The following DENND1A variants were observed in gnomAD, a reference collection of about 807,000 sequenced individuals.
DENND1A encodes the protein DENN domain-containing protein 1A.
In DENND1A, 51 loss-of-function variants were observed where a neutral mutation model predicts 113.7. The ratio of observed to expected loss-of-function variants is 0.45; its 90% CI spans 0.36 to 0.57. The LOEUF (loss-of-function observed/expected upper bound fraction) is 0.57, where lower values mean the gene tolerates loss of function less well. DENND1A is among the 20% of genes least tolerant of loss of function. DENND1A has a pLI of 0.00. For synonymous variants in DENND1A, 565 were observed against 570.8 expected (o/e 0.99, Z 0.14); for missense variants, 1,258 against 1,395.9 (o/e 0.90, Z 1.57).
At chr9:123,857,918 G>A (rs1844463968) in intron 2 of DENND1A, among the ~76,000 whole-genome samples, 1 of 152,026 alleles carries the variant, frequency 6.6e-6, no homozygotes, top group Non-Finnish European at 1.5e-5. Context: ...AATTAGCTGG[G>A]CGTGGTGGCG....
chr9:123,610,047 T>A (rs901542258), intron 10 of DENND1A, among the ~76,000 whole-genome samples: 1 of 152,204 alleles, frequency 6.6e-6, no homozygotes, highest in Admixed American at 6.5e-5. Flanking sequence ...TCCTCCCCAG[T>A]TGCACACATG....
intron 1 of DENND1A, among the ~76,000 whole-genome samples, chr9:123,892,930 C>T (rs916316371): frequency 2.0e-5 from 3 of 151,826 alleles, no homozygotes; most frequent in African/African-American, 2.4e-5. Context: ...TGCGGGGAGC[C>T]GAGATCGCGC....
chr9:123,494,148 G>A (rs1413392004), intron 13 of DENND1A, among the ~76,000 whole-genome samples: 1 of 152,190 alleles, frequency 6.6e-6, no homozygotes, highest in African/African-American at 2.4e-5. Context: ...GCGTTTTCAT[G>A]TCACCTTGTA....
chr9:123,518,488 C>G (rs531927272), intron 13 of DENND1A, among the ~76,000 whole-genome samples: 28 of 152,270 alleles, frequency 1.8e-4, no homozygotes, highest in Admixed American at 1.2e-3. Context: ...CCCACCTACC[C>G]CAGAATCCAG....
intron 12 of DENND1A, among the ~76,000 whole-genome samples, chr9:123,575,130 A>G (rs965081163): frequency 2.6e-5 from 4 of 152,180 alleles, no homozygotes; most frequent in Non-Finnish European, 5.9e-5. Context: ...ATGGAAGACA[A>G]TCTTTTCATG....
At chr9:123,645,525 G>A (rs985326286) in intron 9 of DENND1A, among the ~76,000 whole-genome samples, 1 of 152,140 alleles carries the variant, frequency 6.6e-6, no homozygotes, top group Non-Finnish European at 1.5e-5. Flanking sequence ...GTCCAAAGGT[G>A]TGAATACAAC....
At chr9:123,813,789 A>C (rs960096677) in intron 2 of DENND1A, among the ~76,000 whole-genome samples, 1 of 151,850 alleles carries the variant, frequency 6.6e-6, no homozygotes, top group African/African-American at 2.4e-5. Context: ...GTTTTAAGAG[A>C]GTTTCGTGCA....
intron 1 of DENND1A, among the ~76,000 whole-genome samples, chr9:123,926,527 A>G (rs1857121400): frequency 6.9e-6 from 1 of 145,656 alleles, no homozygotes; most frequent in Non-Finnish European, 1.5e-5. Context: ...AGATCATGCC[A>G]TTGCACTCCA....
At chr9:123,485,644 ACGCGCGCG>A (rs748584342) in intron 13 of DENND1A, 32 of 64,468 alleles carry the variant, frequency 5.0e-4, no homozygotes, top group African/African-American at 1.3e-3. Context: ...GCGTACACAC[ACGCGCGCG>A]CGCGCACACA....
At chr9:123,840,181 T>C (rs1337332394) in intron 2 of DENND1A, among the ~76,000 whole-genome samples, 4 of 151,764 alleles carry the variant, frequency 2.6e-5, no homozygotes, top group Admixed American at 6.6e-5. Context: ...CCTTTAAGCA[T>C]CCCTTTAAGG....
At chr9:123,437,099 G>A (rs533804176) in intron 19 of DENND1A, among the ~76,000 whole-genome samples, 1 of 152,156 alleles carries the variant, frequency 6.6e-6, no homozygotes, top group African/African-American at 2.4e-5. Flanking sequence ...GGAGTGCTTG[G>A]AGCCTACTTC....
rs11447219 is a variant in DENND1A at position 123,519,443 on chromosome 9, AT to A, written c.993+38126del. ...GGGCTGGGTCCTCATATCTTTTTAA[AT>A]TTTTTTTTTTTGAGGCAGAGTCTCA... On this transcript the variant is annotated intron_variant, in intron 13 of 23. Transcript: ENST00000394215. 2.6e-3 allele frequency among the ~76,000 whole-genome samples: 389 copies of A among 148,316 alleles called. 4 individuals carry two copies. The highest frequency in any genetic ancestry group is 8.9e-3 in the African/African-American group (358 of 40,320).
chr9:123,450,845 C>T (rs1431877390), intron 17 of DENND1A, 96 bp from the exon 18 acceptor site: 1 of 974,630 alleles, frequency 1.0e-6, no homozygotes, highest in Non-Finnish European at 1.5e-6. Flanking sequence ...TCTCTGATTA[C>T]TAGAAAAAGG....
intron 3 of DENND1A, among the ~76,000 whole-genome samples, chr9:123,785,663 A>C (rs554315461): frequency 1.3e-5 from 2 of 152,294 alleles, no homozygotes; most frequent in South Asian, 4.1e-4. Flanking sequence ...GTCCTTCAGA[A>C]CAGCTACATT....
intron 9 of DENND1A, among the ~76,000 whole-genome samples, chr9:123,640,625 G>A (rs544480224): frequency 9.8e-5 from 15 of 152,296 alleles, no homozygotes; most frequent in African/African-American, 2.6e-4. Flanking sequence ...GAGTCAAATC[G>A]GGGTTTATGG....
chr9:123,633,772 T>TC (rs1488968658), intron 9 of DENND1A, among the ~76,000 whole-genome samples: 3 of 151,582 alleles, frequency 2.0e-5, no homozygotes, highest in African/African-American at 7.3e-5. Flanking sequence ...CAAGACTCTG[T>TC]CCCCCCAAAA....
intron 2 of DENND1A, among the ~76,000 whole-genome samples, chr9:123,820,405 C>CTGGA (rs1788917613): frequency 6.6e-6 from 1 of 152,198 alleles, no homozygotes; most frequent in Non-Finnish European, 1.5e-5. Context: ...GTGTCTCAGG[C>CTGGA]TGGACTTCTG....
chr9:123,501,650 T>C (rs1482663420), intron 13 of DENND1A, among the ~76,000 whole-genome samples: 1 of 152,230 alleles, frequency 6.6e-6, no homozygotes, highest in African/African-American at 2.4e-5. Flanking sequence ...ATGCAAAGTA[T>C]TGATCCTGGG....
At chr9:123,507,239 G>A (rs564446717) in intron 13 of DENND1A, among the ~76,000 whole-genome samples, 9 of 152,130 alleles carry the variant, frequency 5.9e-5, no homozygotes, top group Non-Finnish European at 1.2e-4. Flanking sequence ...TTTTACACGG[G>A]TAACTGTGCT....
Sources: allele counts gnomAD v4.1 joint callset (sites outside exome capture counted in the v4.1 genomes callset), GRCh38; gene constraint gnomAD v4.1.1; transcripts MANE v1.5; gene names NCBI Gene and HGNC (gene_info 2026-07-23, HGNC 2026-07-21).